The following CNTN6 variants were observed in gnomAD, a reference collection of about 807,000 sequenced individuals.
CNTN6 encodes the protein contactin-6.
Under a neutral mutation model 122.8 loss-of-function variants are expected in CNTN6, and 137 were observed. That is an observed-to-expected ratio of 1.12 (90% CI 0.97 to 1.29). The LOEUF (loss-of-function observed/expected upper bound fraction) is 1.29. CNTN6 is among the 50% of genes most tolerant of loss of function. The pLI, the probability that CNTN6 is intolerant of heterozygous loss-of-function variation, is 0.00. For missense variants in CNTN6, 1,634 were observed against 1,223.4 expected, an observed-to-expected ratio of 1.34 and a Z score of -5.01; for synonymous variants, 570 against 426.0, an observed-to-expected ratio of 1.34 and a Z score of -4.16.
At chr3:1,220,975 T>C (rs2094200087) in intron 3 of CNTN6, among the ~76,000 whole-genome samples, 162 bp downstream of exon 3, 1 of 152,182 alleles carries the variant, frequency 6.6e-6, no homozygotes, top group Non-Finnish European at 1.5e-5. Context: ...GATAAAGATA[T>C]AGGCATTTCC....
intron 4 of CNTN6, among the ~76,000 whole-genome samples, chr3:1,270,161 G>A (rs1331987551): frequency 1.3e-5 from 2 of 152,130 alleles, no homozygotes; most frequent in African/African-American, 2.4e-5. Flanking sequence ...TCCAGAAAAC[G>A]ATGGTGGAAA....
At chr3:1,235,551 G>C (rs1263749769) in intron 4 of CNTN6, among the ~76,000 whole-genome samples, 1 of 152,008 alleles carries the variant, frequency 6.6e-6, no homozygotes, top group East Asian at 1.9e-4. Context: ...TCAGATTCAG[G>C]TGTTTAAATA....
intron 2 of CNTN6, among the ~76,000 whole-genome samples, chr3:1,169,694 C>T (rs995798820): frequency 3.3e-5 from 5 of 152,112 alleles, no homozygotes; most frequent in Non-Finnish European, 7.4e-5. Flanking sequence ...AATGGTCAAG[C>T]CTTTAAACAT....
rs368132205 is a variant in CNTN6, at chr3:1,147,951, T to C, written c.-58T>C. 1.3e-5 allele frequency: 16 copies of C among 1,248,346 alleles called. No homozygotes were observed. The highest frequency in any genetic ancestry group is 6.8e-5 in the Admixed American group (4 of 59,136). The allele number at this position is 1,248,346 out of a possible 1,614,324, so 77.3% of individuals were successfully genotyped here. ...GACTCTTGAGATACTGACTGGAAGA[T>C]AGACTGTTTTGTTCCACCTGATTGT... On this transcript the variant is annotated 5_prime_UTR_variant, in exon 2 of 23. Transcript: ENST00000446702.
chr3:1,169,740 A>C (rs1035673858), intron 2 of CNTN6, among the ~76,000 whole-genome samples: 1 of 152,204 alleles, frequency 6.6e-6, no homozygotes, highest in African/African-American at 2.4e-5. Context: ...CAAAGCTGAG[A>C]CACTTCTCAC....
intron 1 of CNTN6, among the ~76,000 whole-genome samples, chr3:1,141,597 C>A (rs1027861326): frequency 2.0e-5 from 3 of 152,040 alleles, no homozygotes; most frequent in Admixed American, 6.6e-5. Context: ...TCATGTACTG[C>A]AAAAGAGGTA....
chr3:1,151,094 C>A (rs2092832569), intron 2 of CNTN6, among the ~76,000 whole-genome samples: 1 of 152,106 alleles, frequency 6.6e-6, no homozygotes, highest in Non-Finnish European at 1.5e-5. Context: ...GGACTTCTGA[C>A]CTCCAGGACT....
At chr3:1,237,550 C>T (rs1336862564) in intron 4 of CNTN6, among the ~76,000 whole-genome samples, 1 of 152,062 alleles carries the variant, frequency 6.6e-6, no homozygotes, top group Non-Finnish European at 1.5e-5. Flanking sequence ...GCTCAAAGAA[C>T]ATATGGGAAA....
chr3:1,316,596 G>A (rs750444240), intron 7 of CNTN6, among the ~76,000 whole-genome samples: 6 of 151,752 alleles, frequency 4.0e-5, no homozygotes, highest in Non-Finnish European at 5.9e-5. Context: ...GATTTGGGCA[G>A]GGACACAGAT....
intron 11 of CNTN6, among the ~76,000 whole-genome samples, chr3:1,330,215 G>A (rs950668202): frequency 6.6e-6 from 1 of 151,872 alleles, no homozygotes; most frequent in African/African-American, 2.4e-5. Flanking sequence ...CATTCAGTTT[G>A]AAGGCTTCCT....
intron 11 of CNTN6, among the ~76,000 whole-genome samples, chr3:1,351,024 A>G (rs556964153): frequency 6.6e-6 from 1 of 152,012 alleles, no homozygotes; most frequent in Admixed American, 6.6e-5. Flanking sequence ...AATGTCTGCT[A>G]TGGGAGAATA....
intron 2 of CNTN6, among the ~76,000 whole-genome samples, chr3:1,164,392 T>C (rs2093200718): frequency 6.6e-6 from 1 of 152,264 alleles, no homozygotes. Flanking sequence ...CTCACTTTTG[T>C]ACCATCATCT....
intron 4 of CNTN6, among the ~76,000 whole-genome samples, chr3:1,272,351 G>A (rs563839436): frequency 5.9e-5 from 9 of 152,200 alleles, no homozygotes; most frequent in East Asian, 3.9e-4. Context: ...TTCCTCCTTC[G>A]CTAAATGAAA....
chr3:1,241,105 A>G (rs13080910), intron 4 of CNTN6, among the ~76,000 whole-genome samples: 11 of 152,208 alleles, frequency 7.2e-5, no homozygotes, highest in African/African-American at 2.6e-4. Context: ...GGAACAAATC[A>G]CAATGGTGGA....
intron 4 of CNTN6, among the ~76,000 whole-genome samples, chr3:1,235,584 C>G (rs76060084): frequency 0.058 from 8,853 of 152,104 alleles, 324 homozygotes; most frequent in Admixed American, 0.088. Flanking sequence ...GAGAAGATGG[C>G]GGATAAGCAG....
At chr3:1,369,058 C>T (rs1025101206) in intron 12 of CNTN6, among the ~76,000 whole-genome samples, 14 of 152,112 alleles carry the variant, frequency 9.2e-5, no homozygotes, top group African/African-American at 2.9e-4. Flanking sequence ...CATGGTTGCA[C>T]GGAGTCTGCC....
chr3:1,106,521 T>TACACACACAC lies in CNTN6; in HGVS notation c.-83+13414_-83+13423dup, dbSNP rs57012485. ...AACAAAGTGAGACCCCTGTCTGTAATACACACACACACACACACACACGCA... is the reference window on the plus strand; with the variant it reads ...AACAAAGTGAGACCCCTGTCTGTAATACACACACACACACACACACACACACACACACGCA... On this transcript the variant is annotated intron_variant, in intron 1 of 22. Transcript: ENST00000446702. 6.8e-4 allele frequency among the ~76,000 whole-genome samples: 101 copies of TACACACACAC among 149,188 alleles called. 1 individual carries two copies. In the South Asian group the frequency reaches 8.0e-3, roughly 12 times the overall value.
chr3:1,181,754 C>T (rs1254053713), intron 2 of CNTN6, among the ~76,000 whole-genome samples: 1 of 152,028 alleles, frequency 6.6e-6, no homozygotes, highest in Non-Finnish European at 1.5e-5. Context: ...CTAGGTTATT[C>T]ATGGGTGTGG....
rs554517332 is a variant in CNTN6 at position 1,297,330 on chromosome 3, A to C, written c.659-559A>C. ...AAGTTAATGAGAATAGCCTACAGAT[A>C]TATTTCTGTTACAACTCCTCTGGTA... is the stretch of plus-strand genomic sequence containing the variant. On this transcript the variant is annotated intron_variant, in intron 6 of 22. Coordinates refer to ENST00000446702, the MANE Select transcript of CNTN6 (RefSeq NM_001289080.2). 3.3e-5 allele frequency among the ~76,000 whole-genome samples: 5 copies of C among 152,282 alleles called. No homozygotes were observed. In the South Asian group the frequency reaches 1.0e-3, roughly 32 times the overall value.
Sources: allele counts gnomAD v4.1 joint callset (sites outside exome capture counted in the v4.1 genomes callset), GRCh38; gene constraint gnomAD v4.1.1; transcripts MANE v1.5; gene names NCBI Gene and HGNC (gene_info 2026-07-23, HGNC 2026-07-21).